Variants in ADAMTSL1 observed in about 807,000 individuals in gnomAD.
ADAMTSL1 encodes the protein ADAMTS-like protein 1.
Under a neutral mutation model 201.8 loss-of-function variants are expected in ADAMTSL1, and 126 were observed. That is an observed-to-expected ratio of 0.62 (90% CI 0.54 to 0.72). The LOEUF is 0.72. Ranked by LOEUF, ADAMTSL1 falls within the 30% of genes least tolerant of loss-of-function variation. ADAMTSL1 has a pLI of 0.00. For synonymous variants in ADAMTSL1, 1,121 were observed against 903.4 expected, an observed-to-expected ratio of 1.24 and a Z score of -4.32; for missense variants, 2,679 against 2,277.8, an observed-to-expected ratio of 1.18 and a Z score of -3.59.
intron 19 of ADAMTSL1, among the ~76,000 whole-genome samples, chr9:18,781,512 G>C (rs758050821): frequency 1.3e-5 from 2 of 152,254 alleles, no homozygotes; most frequent in Admixed American, 6.5e-5. Context: ...TAAGAAAAGA[G>C]TGAATGTATC....
chr9:18,029,399 A>G (rs1351236762), intron 1 of ADAMTSL1, among the ~76,000 whole-genome samples: 1 of 152,212 alleles, frequency 6.6e-6, no homozygotes, highest in Non-Finnish European at 1.5e-5. Context: ...AATTAATTCG[A>G]AATGGATTAA....
chr9:18,294,243 G>C (rs1450177164), intron 2 of ADAMTSL1, among the ~76,000 whole-genome samples: 1 of 152,204 alleles, frequency 6.6e-6, no homozygotes, highest in Admixed American at 6.5e-5. Flanking sequence ...AGTGGAGTGG[G>C]ATGCTTTAGC....
Position 18,427,419 on chromosome 9 carries a change from T to G in ADAMTSL1, c.208-77410T>G, listed in dbSNP as rs145121366. 9.1e-3 allele frequency among the ~76,000 whole-genome samples: 1,383 copies of G among 152,336 alleles called. 20 individuals are homozygous for G. Among genetic ancestry groups the G allele is most frequent in the African/African-American group, 0.032 (1,321 of 41,568 alleles). ...ATTCTCAAGCTATGTCATAGAAGTG[T>G]GTTACTAAAATATTTGGAAGGTGAC... On this transcript the variant is annotated intron_variant, in intron 2 of 29. Coordinates refer to the ADAMTSL1 transcript ENST00000680146.
intron 2 of ADAMTSL1, among the ~76,000 whole-genome samples, chr9:18,427,817 G>A (rs927846328): frequency 6.6e-6 from 1 of 152,238 alleles, no homozygotes; most frequent in African/African-American, 2.4e-5. Context: ...GGCGGAGCCT[G>A]CTCTGCCATT....
chr9:18,594,984 C>G (rs1055715516), intron 4 of ADAMTSL1, among the ~76,000 whole-genome samples: 4 of 152,148 alleles, frequency 2.6e-5, no homozygotes, highest in African/African-American at 9.7e-5. Flanking sequence ...AGCTGACTGA[C>G]TATGGTGTTC....
intron 5 of ADAMTSL1, among the ~76,000 whole-genome samples, chr9:18,627,462 T>C (rs1178817950): frequency 2.0e-5 from 3 of 152,240 alleles, no homozygotes; most frequent in South Asian, 2.1e-4. Context: ...TATTATTTTA[T>C]GGTTCTGGGG....
At chr9:18,407,844 A>G (rs569337405) in intron 2 of ADAMTSL1, among the ~76,000 whole-genome samples, 1 of 152,342 alleles carries the variant, frequency 6.6e-6, no homozygotes, top group East Asian at 1.9e-4. Context: ...GGTCAAAGAT[A>G]TTAGAGAATG....
chr9:17,993,617 G>T (rs968606876), intron 1 of ADAMTSL1, among the ~76,000 whole-genome samples: 9 of 152,138 alleles, frequency 5.9e-5, no homozygotes, highest in African/African-American at 2.2e-4. Context: ...GTCACCCTTA[G>T]TCTTTCTTTT....
At chr9:18,754,697 A>T (rs1819645516) in intron 16 of ADAMTSL1, among the ~76,000 whole-genome samples, 1 of 152,178 alleles carries the variant, frequency 6.6e-6, no homozygotes, top group Non-Finnish European at 1.5e-5. Context: ...CCCATCTTGG[A>T]GCTGTGGTTT....
intron 2 of ADAMTSL1, among the ~76,000 whole-genome samples, chr9:18,240,324 A>G (rs1831014382): frequency 7.0e-6 from 1 of 143,004 alleles, no homozygotes; most frequent in Non-Finnish European, 1.5e-5. Context: ...AATGAACAGT[A>G]ATGTTTTAAA....
At chr9:18,082,097 A>C (rs1396793299) in intron 1 of ADAMTSL1, among the ~76,000 whole-genome samples, 1 of 152,240 alleles carries the variant, frequency 6.6e-6, no homozygotes, top group Non-Finnish European at 1.5e-5. Flanking sequence ...AAATGCAAAT[A>C]AGCTCATTTT....
Position 18,657,677 on chromosome 9 carries a change from C to T in ADAMTSL1, c.873C>T (p.Phe291=), listed in dbSNP as rs1828783260. 6 of 1,614,104 alleles carry T rather than the reference C, an allele frequency of 3.7e-6. 1 individual carries two copies. The South Asian group carries it at 5.5e-5, about 15-fold the overall frequency. ...GCTCCGCTGACAGTACAGTCCAGTT[C>T]ATCTTCTATCAACCCATCATCCACC... ...NSGSADSTVQ[F]IFYQPIIHRW... Residue 291 remains phenylalanine, a synonymous_variant, in exon 8 of 29, where the codon TTC becomes TTT. Coordinates refer to ENST00000380548, the MANE Select transcript of ADAMTSL1 (RefSeq NM_001040272.6).
chr9:18,470,648 A>G (rs1156405989), upstream of ADAMTSL1, among the ~76,000 whole-genome samples: 1 of 152,196 alleles, frequency 6.6e-6, no homozygotes, highest in East Asian at 1.9e-4. Context: ...AGAAAGAGAC[A>G]GGTGGCTCCA....
chr9:18,407,535 T>C (rs1818257692), intron 2 of ADAMTSL1, among the ~76,000 whole-genome samples: 1 of 151,952 alleles, frequency 6.6e-6, no homozygotes, highest in Admixed American at 6.6e-5. Context: ...GCCTGGGAGG[T>C]AGACAGGAAG....
At chr9:18,500,868 A>G (rs956683585) in intron 1 of ADAMTSL1, among the ~76,000 whole-genome samples, 1 of 152,212 alleles carries the variant, frequency 6.6e-6, no homozygotes, top group Non-Finnish European at 1.5e-5. Context: ...TGTCATTGAT[A>G]TTAACAGCTA....
intron 2 of ADAMTSL1, among the ~76,000 whole-genome samples, chr9:18,195,748 A>G (rs1829149343): frequency 6.6e-6 from 1 of 152,128 alleles, no homozygotes; most frequent in East Asian, 1.9e-4. Context: ...AATGGACATA[A>G]GACATTAGTG....
intron 2 of ADAMTSL1, among the ~76,000 whole-genome samples, chr9:18,276,748 T>C (rs1832603788): frequency 6.6e-6 from 1 of 152,134 alleles, no homozygotes; most frequent in Non-Finnish European, 1.5e-5. Context: ...GCCAAGTTAT[T>C]TTAAACAGCC....
chr9:18,877,856 T>A (rs1193090284), intron 23 of ADAMTSL1, among the ~76,000 whole-genome samples: 5 of 152,110 alleles, frequency 3.3e-5, no homozygotes, highest in African/African-American at 9.7e-5. Flanking sequence ...ATGTCCTTTG[T>A]CTTCAGCTAC....
At chr9:18,810,886 G>A (rs1220064395) in intron 20 of ADAMTSL1, among the ~76,000 whole-genome samples, 1 of 151,910 alleles carries the variant, frequency 6.6e-6, no homozygotes, top group East Asian at 1.9e-4. Context: ...AAAAAGTAAA[G>A]GGAAGAAAGC....
Sources: allele counts gnomAD v4.1 joint callset (sites outside exome capture counted in the v4.1 genomes callset), GRCh38; gene constraint gnomAD v4.1.1; transcripts MANE v1.5; gene names NCBI Gene and HGNC (gene_info 2026-07-23, HGNC 2026-07-21).